Variants in KCNH8 observed in about 807,000 individuals in gnomAD.
KCNH8 encodes potassium voltage-gated channel subfamily H member 8.
In KCNH8, 70 loss-of-function variants were observed where a neutral mutation model predicts 103.6. That is an observed-to-expected ratio of 0.68 (90% confidence interval 0.56 to 0.82). The LOEUF is 0.82. Among genes scored for constraint, KCNH8 ranks in the 40% least tolerant of loss-of-function variants. The pLI, the probability that KCNH8 is intolerant of heterozygous loss-of-function variation, is 0.00. For missense variants in KCNH8, 1,217 were observed against 1,329.9 expected (o/e 0.92, Z 1.32); for synonymous variants, 498 against 489.4 (o/e 1.02, Z -0.23).
chr3:19,467,008 TAAG>T (rs2067752631), intron 11 of KCNH8, among the ~76,000 whole-genome samples: 1 of 151,614 alleles, frequency 6.6e-6, no homozygotes, highest in Non-Finnish European at 1.5e-5. Context: ...TAGACATACA[TAAG>T]TCTATTAATG....
At chr3:19,220,397 G>C (rs2063861212) in intron 1 of KCNH8, among the ~76,000 whole-genome samples, 2 of 152,202 alleles carry the variant, frequency 1.3e-5, no homozygotes, top group Admixed American at 6.5e-5. Flanking sequence ...CTCATGAATG[G>C]CTTGCAAAAA....
chr3:19,157,260 A>T (rs763385938), intron 1 of KCNH8, among the ~76,000 whole-genome samples: 5 of 152,146 alleles, frequency 3.3e-5, no homozygotes, highest in Admixed American at 1.3e-4. Flanking sequence ...AATAAAGTAG[A>T]AGGTAAAATT....
intron 11 of KCNH8, among the ~76,000 whole-genome samples, chr3:19,489,368 C>T (rs1441672618): frequency 6.6e-6 from 1 of 152,152 alleles, no homozygotes; most frequent in African/African-American, 2.4e-5. Flanking sequence ...GCTACTAGTA[C>T]TGCTGCTGCC....
chr3:19,411,067 AT>A (rs2125148077), intron 7 of KCNH8, among the ~76,000 whole-genome samples: 1 of 152,146 alleles, frequency 6.6e-6, no homozygotes, highest in African/African-American at 2.4e-5. Flanking sequence ...AATGAAAAAA[AT>A]CAAACTACAG....
intron 1 of KCNH8, among the ~76,000 whole-genome samples, chr3:19,177,122 A>C (rs1308545662): frequency 6.6e-6 from 1 of 152,142 alleles, no homozygotes; most frequent in African/African-American, 2.4e-5. Context: ...TTTAAAAAAG[A>C]AAATTATCAA....
chr3:19,392,808 T>A (rs2066458675), intron 6 of KCNH8, among the ~76,000 whole-genome samples: 1 of 152,030 alleles, frequency 6.6e-6, no homozygotes. Context: ...GACATAGGAA[T>A]GTTGATAGAG....
Position 19,500,520 on chromosome 3 carries a change from C to T in KCNH8, c.2041-9843C>T, listed in dbSNP as rs535342424. Among the ~76,000 whole-genome samples the T allele has an allele frequency of 5.9e-5, 9 of 152,228 alleles. No homozygotes were observed. The South Asian group carries it at 1.2e-3, about 21-fold the overall frequency. ...ACCACACCTATTCCAAAATTGACCA[C>T]GTACTTGGAAGTAAAGCTTTCCTCA... On this transcript the variant is annotated intron_variant, in intron 11 of 15. Coordinates refer to ENST00000328405, the MANE Select transcript of KCNH8 (RefSeq NM_144633.3).
chr3:19,263,488 C>T (rs542793658), intron 2 of KCNH8, among the ~76,000 whole-genome samples: 1 of 152,016 alleles, frequency 6.6e-6, no homozygotes, highest in Non-Finnish European at 1.5e-5. Flanking sequence ...ACCTGTTTGG[C>T]AGGTATAAGA....
chr3:19,148,859 A>G, intron 1 of KCNH8, 64 bp downstream of exon 1: 1 of 1,399,972 alleles, frequency 7.1e-7, no homozygotes, highest in Non-Finnish European at 1.0e-6. Flanking sequence ...CGTACACATT[A>G]CTTTTGCTCC....
chr3:19,292,954 G>A (rs1045950706), intron 3 of KCNH8, among the ~76,000 whole-genome samples: 2 of 152,204 alleles, frequency 1.3e-5, no homozygotes, highest in East Asian at 3.9e-4. Flanking sequence ...CTAGCTCCAA[G>A]GAATGCCAAT....
At chr3:19,192,730 G>A (rs1212773579) in intron 1 of KCNH8, among the ~76,000 whole-genome samples, 6 of 151,492 alleles carry the variant, frequency 4.0e-5, no homozygotes, top group South Asian at 2.1e-4. Flanking sequence ...TTGTCATTTC[G>A]AGTAACTGAT....
At chr3:19,419,495 C>T (rs1350761966) in intron 7 of KCNH8, among the ~76,000 whole-genome samples, 4 of 152,032 alleles carry the variant, frequency 2.6e-5, no homozygotes, top group East Asian at 1.9e-4. Flanking sequence ...CCACCGCGCC[C>T]GGCCAATTAA....
At chr3:19,399,709 T>C (rs2066580670) in intron 7 of KCNH8, among the ~76,000 whole-genome samples, 1 of 151,910 alleles carries the variant, frequency 6.6e-6, no homozygotes, top group South Asian at 2.1e-4. Flanking sequence ...TTATTGTTAA[T>C]TGAAGCCCTC....
At chr3:19,361,244 A>G (rs1190906257) in intron 5 of KCNH8, among the ~76,000 whole-genome samples, 2 of 152,106 alleles carry the variant, frequency 1.3e-5, no homozygotes, top group Admixed American at 6.6e-5. Context: ...GTTTTTCAAT[A>G]GAATCATGGA....
At chr3:19,158,542 A>G (rs1438568322) in intron 1 of KCNH8, among the ~76,000 whole-genome samples, 2 of 151,874 alleles carry the variant, frequency 1.3e-5, no homozygotes, top group African/African-American at 4.8e-5. Context: ...GTGATGTTGA[A>G]CATTCATATT....
intron 11 of KCNH8, among the ~76,000 whole-genome samples, chr3:19,473,124 T>C (rs747838909): frequency 1.4e-4 from 21 of 152,202 alleles, no homozygotes; most frequent in Admixed American, 6.5e-5. Context: ...TAAAATCAAG[T>C]CAAACTCATG....
At chr3:19,314,033 A>G (rs1183316224) in intron 3 of KCNH8, among the ~76,000 whole-genome samples, 5 of 151,970 alleles carry the variant, frequency 3.3e-5, no homozygotes, top group East Asian at 1.9e-4. Context: ...TAAACTACCT[A>G]CATATAAAAA....
chr3:19,188,791 A>G (rs993781310), intron 1 of KCNH8, among the ~76,000 whole-genome samples: 3 of 152,050 alleles, frequency 2.0e-5, no homozygotes, highest in Non-Finnish European at 4.4e-5. Flanking sequence ...TGTATTCCAC[A>G]AGTGTTTGTT....
chr3:19,398,754 T>C (rs1025754655), intron 7 of KCNH8, among the ~76,000 whole-genome samples: 7 of 151,982 alleles, frequency 4.6e-5, no homozygotes, highest in Non-Finnish European at 7.4e-5. Context: ...TTTATATTGG[T>C]ATGTAGTAAC....
Sources: gnomAD v4.1 joint callset for allele counts (sites outside exome capture counted in the v4.1 genomes callset) on GRCh38, gnomAD v4.1.1 for gene constraint, MANE v1.5 for transcripts, NCBI Gene and HGNC (gene_info 2026-07-23, HGNC 2026-07-21) for gene names.